The following TASP1 variants were observed in gnomAD, a reference collection of about 807,000 sequenced individuals.
The protein encoded by TASP1 is taspase 1.
TASP1 carries 16 observed loss-of-function variants against 56.6 expected under a neutral mutation model. That is an observed-to-expected ratio of 0.28 (90% confidence interval 0.19 to 0.43). TASP1 has a LOEUF of 0.43. Ranked by LOEUF, TASP1 falls within the 20% of genes least tolerant of loss-of-function variation. The pLI is 1.00. For synonymous variants in TASP1, 179 were observed against 184.2 expected (o/e 0.97, Z 0.23); for missense variants, 393 against 511.6 (o/e 0.77, Z 2.24).
At chr20:13,425,449 A>T (rs770428900) in intron 12 of TASP1, among the ~76,000 whole-genome samples, 1 of 152,184 alleles carries the variant, frequency 6.6e-6, no homozygotes, top group Non-Finnish European at 1.5e-5. Context: ...CCTCTTTAAA[A>T]ATATATATAC....
intron 6 of TASP1, among the ~76,000 whole-genome samples, chr20:13,570,585 G>T (rs1211368049): frequency 6.6e-6 from 1 of 152,124 alleles, no homozygotes; most frequent in South Asian, 2.1e-4. Context: ...AAACCAAATG[G>T]TTAATCTCAA....
chr20:13,503,160 A>G (rs572734642), intron 10 of TASP1, among the ~76,000 whole-genome samples: 1 of 152,124 alleles, frequency 6.6e-6, no homozygotes, highest in Non-Finnish European at 1.5e-5. Flanking sequence ...TAACCACTCC[A>G]TGACTCCTTC....
chr20:13,161,435 A>G, the TASP1 span, among the ~76,000 whole-genome samples: 1 of 152,206 alleles, frequency 6.6e-6, no homozygotes, highest in African/African-American at 2.4e-5. Flanking sequence ...CCTTACAGCC[A>G]ACAGTAGAAG....
intron 10 of TASP1, among the ~76,000 whole-genome samples, chr20:13,506,166 A>T (rs6134894): frequency 0.21 from 32,164 of 152,102 alleles, 3,546 homozygotes; most frequent in Middle Eastern, 0.27. Context: ...ATAAATTCCT[A>T]GAAATATATA....
At chr20:13,260,879 G>C in the TASP1 span, among the ~76,000 whole-genome samples, 1 of 152,158 alleles carries the variant, frequency 6.6e-6, no homozygotes, top group African/African-American at 2.4e-5. Flanking sequence ...CATAGCCTGG[G>C]GAGGCTCAGC....
the TASP1 span, among the ~76,000 whole-genome samples, chr20:13,265,706 T>C: frequency 4.7e-3 from 714 of 152,304 alleles, 7 homozygotes; most frequent in Middle Eastern, 0.017. Flanking sequence ...AATGGCGGTT[T>C]TTGCCATTAC....
At chr20:13,328,694 C>A in the TASP1 span, among the ~76,000 whole-genome samples, 3 of 151,646 alleles carry the variant, frequency 2.0e-5, no homozygotes, top group Non-Finnish European at 4.4e-5. Context: ...CCTCAGCAAA[C>A]TAACACAGGA....
intron 6 of TASP1, among the ~76,000 whole-genome samples, chr20:13,576,355 AAG>A (rs1285079343): frequency 9.0e-6 from 1 of 110,732 alleles, no homozygotes; most frequent in East Asian, 2.5e-4. Context: ...GAAAGAAAGA[AAG>A]AAAGAAAGAA....
At chr20:13,403,883 T>TA (rs60042961) in intron 13 of TASP1, among the ~76,000 whole-genome samples, 1 of 151,956 alleles carries the variant, frequency 6.6e-6, no homozygotes, top group African/African-American at 2.4e-5. Flanking sequence ...GCCTATCTCG[T>TA]AAAAAACAAA....
chr20:13,536,211 A>T (rs1044918183), intron 8 of TASP1, among the ~76,000 whole-genome samples: 1 of 152,164 alleles, frequency 6.6e-6, no homozygotes, highest in Non-Finnish European at 1.5e-5. Flanking sequence ...CCAAGACTGT[A>T]TATCTAACAA....
intron 12 of TASP1, among the ~76,000 whole-genome samples, chr20:13,429,698 T>C (rs746061269): frequency 6.6e-5 from 10 of 152,002 alleles, no homozygotes; most frequent in Non-Finnish European, 1.0e-4. Flanking sequence ...GTAGAGAGCA[T>C]TGAAGTAACA....
chr20:13,515,037 T>C (rs1426994767), intron 10 of TASP1, among the ~76,000 whole-genome samples: 2 of 152,166 alleles, frequency 1.3e-5, no homozygotes, highest in Non-Finnish European at 2.9e-5. Context: ...AATAAATACA[T>C]TTGATTCAGC....
chr20:13,198,822 CTTTCTTTCT>C, the TASP1 span, among the ~76,000 whole-genome samples: 1 of 138,896 alleles, frequency 7.2e-6, no homozygotes, highest in Admixed American at 7.4e-5. Context: ...TTCTTTCTTT[CTTTCTTTCT>C]TTCTTTCTTT....
chr20:13,621,153 G>A (rs1420039635), intron 4 of TASP1, among the ~76,000 whole-genome samples: 3 of 152,158 alleles, frequency 2.0e-5, no homozygotes, highest in Non-Finnish European at 4.4e-5. Flanking sequence ...GCCAGGCACG[G>A]TGGCTCATGC....
intron 10 of TASP1, among the ~76,000 whole-genome samples, chr20:13,500,820 G>C (rs2043920299): frequency 6.6e-6 from 1 of 151,954 alleles, no homozygotes. Flanking sequence ...GTAAAAGAGA[G>C]AACACGCCAG....
chr20:13,359,535 A>G, the TASP1 span, among the ~76,000 whole-genome samples: 1 of 151,188 alleles, frequency 6.6e-6, no homozygotes, highest in Non-Finnish European at 1.5e-5. Flanking sequence ...TTCTTAATCA[A>G]TACGGAGGCT....
At chr20:13,217,160 A>T in the TASP1 span, among the ~76,000 whole-genome samples, 1 of 152,188 alleles carries the variant, frequency 6.6e-6, no homozygotes, top group Non-Finnish European at 1.5e-5. Flanking sequence ...CCTTTTTGAG[A>T]TGCATACTGA....
intron 11 of TASP1, among the ~76,000 whole-genome samples, chr20:13,452,215 C>T (rs2043647379): frequency 6.6e-6 from 1 of 151,974 alleles, no homozygotes; most frequent in African/African-American, 2.4e-5. Context: ...AGTGAGCATA[C>T]ACTGTTGGAA....
intron 12 of TASP1, among the ~76,000 whole-genome samples, chr20:13,425,747 C>G (rs1235243538): frequency 6.6e-6 from 1 of 152,082 alleles, no homozygotes; most frequent in Non-Finnish European, 1.5e-5. Flanking sequence ...AATAGAACAG[C>G]CTCCTCTTAT....
Sources: gnomAD v4.1 joint callset for allele counts (sites outside exome capture counted in the v4.1 genomes callset) on GRCh38, gnomAD v4.1.1 for gene constraint, MANE v1.5 for transcripts, NCBI Gene and HGNC (gene_info 2026-07-23, HGNC 2026-07-21) for gene names.